The following GOLM2 variants were observed in gnomAD, a reference collection of about 807,000 sequenced individuals.
GOLM2 encodes the protein golgi membrane protein 2, also known as protein GOLM2.
A neutral mutation model predicts 55.9 loss-of-function variants in GOLM2; 26 were observed. That is an observed-to-expected ratio of 0.47 (90% CI 0.34 to 0.65). The LOEUF (loss-of-function observed/expected upper bound fraction) is 0.65, where lower values mean the gene tolerates loss of function less well. Ranked by LOEUF, GOLM2 falls within the 30% of genes least tolerant of loss-of-function variation. The pLI is 0.01. For synonymous variants in GOLM2, 165 were observed against 194.6 expected (o/e 0.85, Z 1.27); for missense variants, 486 against 531.8 (o/e 0.91, Z 0.85).
At chr15:44,291,996 A>G (rs920483586) in intron 1 of GOLM2, among the ~76,000 whole-genome samples, 4 of 152,118 alleles carry the variant, frequency 2.6e-5, no homozygotes, top group Admixed American at 6.5e-5. Flanking sequence ...TTATTTGATC[A>G]CAGGTTACTA....
chr15:44,389,467 G>A (rs957375913), intron 8 of GOLM2, among the ~76,000 whole-genome samples: 15 of 152,110 alleles, frequency 9.9e-5, no homozygotes, highest in Non-Finnish European at 5.9e-5. Context: ...AGCAGAGGTT[G>A]CAGTGAGCCA....
intron 8 of GOLM2, among the ~76,000 whole-genome samples, chr15:44,394,446 A>G (rs1050976457): frequency 1.2e-4 from 18 of 152,228 alleles, no homozygotes; most frequent in Admixed American, 3.9e-4. Flanking sequence ...GCTGTTTGCC[A>G]TAAATTCTAG....
intron 6 of GOLM2, among the ~76,000 whole-genome samples, chr15:44,341,975 C>T (rs926909506): frequency 2.0e-4 from 31 of 152,116 alleles, no homozygotes; most frequent in Non-Finnish European, 2.2e-4. Flanking sequence ...GGATTACAGG[C>T]GTGAGCCACC....
intron 6 of GOLM2, among the ~76,000 whole-genome samples, chr15:44,366,309 A>C (rs1037826027): frequency 2.0e-5 from 3 of 150,494 alleles, no homozygotes; most frequent in African/African-American, 4.9e-5. Flanking sequence ...AAAAAAAAAA[A>C]AAAAACAAAA....
At chr15:44,369,497 C>G (rs984953138) in intron 6 of GOLM2, among the ~76,000 whole-genome samples, 1 of 151,878 alleles carries the variant, frequency 6.6e-6, no homozygotes, top group African/African-American at 2.4e-5. Context: ...ATAACTTGGT[C>G]TGTTTTGTTC....
intron 8 of GOLM2, among the ~76,000 whole-genome samples, chr15:44,399,075 C>A (rs1018229982): frequency 6.6e-6 from 1 of 152,108 alleles, no homozygotes; most frequent in East Asian, 1.9e-4. Flanking sequence ...TTTGTTCTTA[C>A]CTGTTCTTTC....
intron 8 of GOLM2, among the ~76,000 whole-genome samples, chr15:44,398,141 C>G (rs964353031): frequency 1.3e-5 from 2 of 152,208 alleles, no homozygotes; most frequent in Admixed American, 6.5e-5. Flanking sequence ...TTCAAACTCA[C>G]TCTATCAAAA....
At chr15:44,313,559 T>G (rs1330554806) in intron 1 of GOLM2, among the ~76,000 whole-genome samples, 1 of 152,254 alleles carries the variant, frequency 6.6e-6, no homozygotes, top group East Asian at 1.9e-4. Context: ...CTTTATGTGC[T>G]AATGACTCCA....
chr15:44,364,348 ACCCCATCTC>A (rs1225413646), intron 6 of GOLM2, among the ~76,000 whole-genome samples: 2 of 149,768 alleles, frequency 1.3e-5, no homozygotes, highest in Non-Finnish European at 3.0e-5. Context: ...ATATGACAAA[ACCCCATCTC>A]TACCCAAAAT....
At position 44,338,312 on chromosome 15, in the gene GOLM2, C is replaced by T. The variant is rs748379489; in HGVS notation, c.797C>T (p.Pro266Leu). Residue 266 changes from proline (P) to leucine (L), a missense_variant, in exon 6 of 10, where the codon CCC (proline) becomes CTC (leucine). Transcript: ENST00000299957. ...ENDLAKVDDL[P>L]PALRKPPISV... ...GACCTAGCAAAAGTTGATGATCTTCCCCCTGGTAAGTAAAAATTGTTAGAG... is the reference window on the plus strand; with the variant it reads ...GACCTAGCAAAAGTTGATGATCTTCTCCCTGGTAAGTAAAAATTGTTAGAG... 3 of 1,610,788 alleles carry T rather than the reference C, an allele frequency of 1.9e-6. No homozygotes were observed. Among genetic ancestry groups the T allele is most frequent in the South Asian group, 2.2e-5 (2 of 90,950 alleles).
At chr15:44,381,553 C>T (rs1208441815) in intron 8 of GOLM2, among the ~76,000 whole-genome samples, 1 of 152,164 alleles carries the variant, frequency 6.6e-6, no homozygotes. Context: ...TTCTGCTTTT[C>T]ATGGCATCTT....
chr15:44,403,748 T>C (rs886951200), intron 9 of GOLM2, among the ~76,000 whole-genome samples: 8 of 152,306 alleles, frequency 5.3e-5, no homozygotes, highest in Non-Finnish European at 8.8e-5. Context: ...GTACAAATAT[T>C]GCCCAGGTAG....
chr15:44,379,217 C>G (rs1348926174), intron 6 of GOLM2, among the ~76,000 whole-genome samples: 1 of 152,128 alleles, frequency 6.6e-6, no homozygotes, highest in Non-Finnish European at 1.5e-5. Context: ...CGGCTCACAC[C>G]TATAATCCCA....
At chr15:44,404,540 T>C (rs928064303) in intron 9 of GOLM2, among the ~76,000 whole-genome samples, 2 of 152,192 alleles carry the variant, frequency 1.3e-5, no homozygotes, top group East Asian at 3.8e-4. Context: ...TTCTATAATC[T>C]CATCCTTTTT....
chr15:44,357,944 G>T (rs555617551), intron 6 of GOLM2, among the ~76,000 whole-genome samples: 1 of 152,334 alleles, frequency 6.6e-6, no homozygotes, highest in East Asian at 1.9e-4. Context: ...TGGATAGGAA[G>T]ACTCAGTATT....
intron 8 of GOLM2, among the ~76,000 whole-genome samples, chr15:44,391,272 T>C (rs2079486323): frequency 6.6e-6 from 1 of 151,866 alleles, no homozygotes; most frequent in Non-Finnish European, 1.5e-5. Context: ...CCCAGCACTT[T>C]GGGAGGCTGA....
chr15:44,359,010 AGCTG>A (rs1436681090), intron 6 of GOLM2, among the ~76,000 whole-genome samples: 1 of 151,822 alleles, frequency 6.6e-6, no homozygotes, highest in Non-Finnish European at 1.5e-5. Context: ...CAAAAAAATT[AGCTG>A]GGCGTGGTGC....
intron 6 of GOLM2, among the ~76,000 whole-genome samples, chr15:44,376,080 T>C (rs1445013770): frequency 6.6e-6 from 1 of 152,086 alleles, no homozygotes; most frequent in Admixed American, 6.6e-5. Context: ...CTACTAAAAA[T>C]ACAAAATTAG....
chr15:44,310,506 A>C (rs924898576), intron 1 of GOLM2, among the ~76,000 whole-genome samples: 8 of 147,650 alleles, frequency 5.4e-5, no homozygotes, highest in African/African-American at 1.3e-4. Flanking sequence ...ACACACCCAC[A>C]CACACACACA....
Sources: gnomAD v4.1 joint callset for allele counts (sites outside exome capture counted in the v4.1 genomes callset) on GRCh38, gnomAD v4.1.1 for gene constraint, MANE v1.5 for transcripts, NCBI Gene and HGNC (gene_info 2026-07-23, HGNC 2026-07-21) for gene names.